CDC42BPB: variants seen among roughly 807,000 people sequenced by gnomAD.
CDC42BPB encodes the protein CDC42 binding protein kinase beta, also known as serine/threonine-protein kinase MRCK beta.
CDC42BPB carries 37 observed loss-of-function variants against 214.9 expected under a neutral mutation model. The observed-to-expected ratio is 0.17, with a 90% confidence interval of 0.13 to 0.23. The LOEUF (loss-of-function observed/expected upper bound fraction) is 0.23. Ranked by LOEUF, CDC42BPB falls within the 10% of genes least tolerant of loss-of-function variation. The probability of loss-of-function intolerance (pLI) is 1.00; values close to 1 mark genes in which losing one functional copy is unlikely to be tolerated. For synonymous variants in CDC42BPB, 931 were observed against 884.0 expected (o/e 1.05, Z -0.94); for missense variants, 1,694 against 2,227.0 (o/e 0.76, Z 4.82).
At chr14:103,008,222 C>A (rs1357769219) in intron 3 of CDC42BPB, among the ~76,000 whole-genome samples, 2 of 152,216 alleles carry the variant, frequency 1.3e-5, no homozygotes, top group African/African-American at 4.8e-5. Flanking sequence ...TTACAGTAAA[C>A]AGGACCCGCC....
intron 21 of CDC42BPB, among the ~76,000 whole-genome samples, chr14:102,955,280 G>A (rs11851924): frequency 0.028 from 4,280 of 152,184 alleles, 212 homozygotes; most frequent in African/African-American, 0.098. Context: ...AAAATTAGCC[G>A]GGTGTGCTAG....
chr14:102,981,010 C>G lies in CDC42BPB; in HGVS notation c.903G>C (p.Gln301His), dbSNP rs1424438542. ...ATACATCCGTGACATGGGATGGGAA[C>G]TGGAATCGCTCCTGCAAGGGGTGGC... The part of the protein sequence containing the change: ...GKIMNHEERF[Q>H]FPSHVTDVSE... Residue 301 changes from glutamine to histidine, a missense_variant, in exon 8 of 37, where the codon CAG becomes CAC. This residue lies in a region of CDC42BPB where 225 missense variants were observed against 459.3 expected (regional missense o/e 0.49). Coordinates refer to ENST00000361246, the MANE Select transcript of CDC42BPB (RefSeq NM_006035.4). 1 of 1,614,004 alleles carries G rather than the reference C, an allele frequency of 6.2e-7. No homozygotes were observed. The highest frequency in any genetic ancestry group is 1.3e-5 in the African/African-American group (1 of 74,918).
At chr14:103,012,436 G>C (rs1272090285) in intron 1 of CDC42BPB, 1 of 177,632 alleles carries the variant, frequency 5.6e-6, no homozygotes. Flanking sequence ...TGCAGCCGAC[G>C]ACGGACCACA....
chr14:103,005,116 C>T (rs1375051036), intron 3 of CDC42BPB, among the ~76,000 whole-genome samples: 3 of 150,660 alleles, frequency 2.0e-5, no homozygotes, highest in East Asian at 3.9e-4. Context: ...TGCAGTGAGC[C>T]GAGATCATGC....
chr14:103,047,447 G>C (rs754397907), intron 1 of CDC42BPB, among the ~76,000 whole-genome samples: 10 of 152,022 alleles, frequency 6.6e-5, no homozygotes, highest in African/African-American at 9.7e-5. Flanking sequence ...CAAAAGAAAA[G>C]TCCCACACAG....
chr14:103,053,062 A>G (rs1275377652), intron 1 of CDC42BPB, among the ~76,000 whole-genome samples: 2 of 152,152 alleles, frequency 1.3e-5, no homozygotes, highest in African/African-American at 4.8e-5. Context: ...AGAAATATAC[A>G]TGCAAGGCCA....
chr14:102,967,476 TCA>T (rs1726139241), intron 16 of CDC42BPB: 2 of 445,814 alleles, frequency 4.5e-6, no homozygotes, highest in African/African-American at 4.3e-5. Context: ...ATTAAAACAG[TCA>T]CGTGTAGTGA....
At chr14:102,996,017 G>T (rs34046954) in intron 5 of CDC42BPB, among the ~76,000 whole-genome samples, 1 of 152,154 alleles carries the variant, frequency 6.6e-6, no homozygotes, top group African/African-American at 2.4e-5. Flanking sequence ...TACTATGCCC[G>T]GACGTCAAAC....
intron 28 of CDC42BPB, among the ~76,000 whole-genome samples, chr14:102,946,113 G>T (rs1595452719): frequency 6.6e-6 from 1 of 152,060 alleles, no homozygotes; most frequent in Non-Finnish European, 1.5e-5. Context: ...GGTTCATGCT[G>T]TTCTCCCGCC....
chr14:103,013,170 CA>C (rs1449660201), intron 1 of CDC42BPB, among the ~76,000 whole-genome samples: 21 of 152,192 alleles, frequency 1.4e-4, no homozygotes, highest in Non-Finnish European at 1.2e-4. Context: ...ACGTACAGGA[CA>C]CAAGTGCGTG....
chr14:102,939,961 G>A lies in CDC42BPB; in HGVS notation c.4592-14C>T. The A allele has an allele frequency of 1.9e-6, 3 of 1,613,842 alleles. No individual in the cohort carries two copies. Among genetic ancestry groups the A allele is most frequent in the Non-Finnish European group, 2.5e-6 (3 of 1,180,008 alleles). On this transcript the variant is annotated splice_polypyrimidine_tract_variant and intron_variant, in intron 32 of 36. Transcript: ENST00000361246. ...TGAGAACCGCTCCTGCAGAAGCAGA[G>A]CGCGCGGTGACGGTGCTGCGGCACC...
At chr14:103,040,198 T>C (rs1887906806) in intron 1 of CDC42BPB, among the ~76,000 whole-genome samples, 1 of 151,910 alleles carries the variant, frequency 6.6e-6, no homozygotes, top group Non-Finnish European at 1.5e-5. Context: ...GTACTAAAAA[T>C]ACAAACATTA....
intron 1 of CDC42BPB, among the ~76,000 whole-genome samples, chr14:103,043,347 T>C (rs1334802247): frequency 6.6e-6 from 1 of 152,152 alleles, no homozygotes; most frequent in African/African-American, 2.4e-5. Context: ...CGGAGTACTA[T>C]TTGGCCATAA....
rs980094891 is a variant in CDC42BPB at position 102,944,994 on chromosome 14, G to A, written c.3812-507C>T. On this transcript the variant is annotated intron_variant, in intron 29 of 36. Transcript: ENST00000361246. This position sits in a 1 kb window ranked among gnomAD's most constrained non-coding sequence, Gnocchi z 6.6. ...GAAGACACTGCCCTCACACTCACAC[G>A]GCCCCCAGTGAAGACGCCGCCCTCA... 2.0e-5 allele frequency among the ~76,000 whole-genome samples: 3 copies of A among 152,020 alleles called. No individual in the cohort carries two copies. The highest frequency in any genetic ancestry group is 4.8e-5 in the African/African-American group (2 of 41,392).
intron 5 of CDC42BPB, among the ~76,000 whole-genome samples, chr14:102,989,510 TAGG>T (rs920828103): frequency 2.0e-5 from 3 of 152,252 alleles, no homozygotes; most frequent in African/African-American, 7.2e-5. Context: ...TGTCCACTCT[TAGG>T]AGACTACTTG....
chr14:103,028,505 T>C (rs1465716125), intron 1 of CDC42BPB, among the ~76,000 whole-genome samples: 1 of 152,184 alleles, frequency 6.6e-6, no homozygotes, highest in African/African-American at 2.4e-5. Flanking sequence ...AGCCTAATCG[T>C]TTTGTGATCA....
At chr14:102,951,999 C>T (rs1016512329) in intron 24 of CDC42BPB, among the ~76,000 whole-genome samples, 1 of 152,076 alleles carries the variant, frequency 6.6e-6, no homozygotes, top group Admixed American at 6.6e-5. Context: ...ACAATGGAGC[C>T]CCCAGCACAG....
At chr14:103,041,415 A>C (rs913235038) in intron 1 of CDC42BPB, 2 of 704,806 alleles carry the variant, frequency 2.8e-6, no homozygotes, top group Non-Finnish European at 4.5e-6. Flanking sequence ...AGCAAAAAAA[A>C]CAACAAAAAA....
chr14:103,026,164 G>A (rs1287182475), intron 1 of CDC42BPB, among the ~76,000 whole-genome samples: 4 of 152,144 alleles, frequency 2.6e-5, no homozygotes, highest in Non-Finnish European at 4.4e-5. Context: ...TTGGGAGGCC[G>A]AGGTGAGTGG....
Sources: gnomAD v4.1 joint callset for allele counts (sites outside exome capture counted in the v4.1 genomes callset) on GRCh38, gnomAD v4.1.1 for gene constraint, gnomAD v4.1.1 regional missense constraint, Gnocchi (gnomAD v3.1) non-coding constraint, MANE v1.5 for transcripts, NCBI Gene and HGNC (gene_info 2026-07-23, HGNC 2026-07-21) for gene names.